GNG13: variants seen among roughly 807,000 people sequenced by gnomAD.
The protein encoded by GNG13 is G protein subunit gamma 13.
In GNG13, 12 loss-of-function variants were observed where a neutral mutation model predicts 8.2. The observed-to-expected ratio is 1.47, with a 90% CI of 0.94 to 2.38. The LOEUF is 2.38. Among genes scored for constraint, GNG13 ranks in the 30% most tolerant of loss-of-function variants. The pLI is 0.00. For synonymous variants in GNG13, 45 were observed against 33.0 expected, an observed-to-expected ratio of 1.37 and a Z score of -1.25; for missense variants, 100 against 85.2, an observed-to-expected ratio of 1.17 and a Z score of -0.68.
chr16:798,570 C>T lies in GNG13; in HGVS notation c.*149G>A, dbSNP rs540660944. 297 of 657,326 alleles carry T rather than the reference C, an allele frequency of 4.5e-4. 2 individuals are homozygous for T. Among genetic ancestry groups the T allele is most frequent in the South Asian group, 4.5e-4 (31 of 68,594 alleles). 40.7% of individuals were successfully genotyped at this position (657,326 alleles called of 1,614,324 possible). ...GCTCACAGGTTGGTGTGAGTGGGGCCGGGCATGGGCTCACAGGATGGTGGG... is the reference window on the plus strand; with the variant it reads ...GCTCACAGGTTGGTGTGAGTGGGGCTGGGCATGGGCTCACAGGATGGTGGG... On this transcript the variant is annotated 3_prime_UTR_variant, in exon 3 of 3. Transcript: ENST00000248150.
chr16:799,416 A>G (rs1398896968), intron 1 of GNG13, among the ~76,000 whole-genome samples: 1 of 152,228 alleles, frequency 6.6e-6, no homozygotes, highest in Non-Finnish European at 1.5e-5. Context: ...GGTGCTCAGC[A>G]CGGCAGGCCC....
At chr16:799,695 G>GTCCC (rs2042430625) in intron 1 of GNG13, among the ~76,000 whole-genome samples, 1 of 152,018 alleles carries the variant, frequency 6.6e-6, no homozygotes, top group African/African-American at 2.4e-5. Flanking sequence ...TGGCCCCTGG[G>GTCCC]TCCCCAGTGT....
Position 798,641 on chromosome 16 carries a change from G to GGGCTGA in GNG13, c.*77_*78insTCAGCC. ...TCACAGGATGGAGTGAGTGGGGCTG[G>GGGCTGA]GCACAGTCTTACAAGATGGTGGGAG... On this transcript the variant is annotated 3_prime_UTR_variant, in exon 3 of 3. Transcript: ENST00000248150. 1.1e-6 allele frequency: 1 copy of GGGCTGA among 899,756 alleles called. No individual in the cohort carries two copies. The highest frequency in any genetic ancestry group is 1.9e-6 in the Non-Finnish European group (1 of 534,904). The allele number at this position is 899,756 out of a possible 1,614,324, so 55.7% of individuals were successfully genotyped here.
chr16:798,135 A>G lies in GNG13; in HGVS notation c.*584T>C. 1.0e-6 allele frequency: 1 copy of G among 977,586 alleles called. No individual in the cohort carries two copies. The highest frequency in any genetic ancestry group is 1.5e-6 in the Non-Finnish European group (1 of 666,620). The allele number at this position is 977,586 out of a possible 1,614,324, so 60.6% of individuals were successfully genotyped here. A position where few individuals can be genotyped will look rare whatever the true frequency, so the allele number is the denominator to read the frequency against. ...GGAGTGGGGCCGGGCGTGGGCTCAT[A>G]GGATGGTGTGAGTGGGGCCAGGAGT... On this transcript the variant is annotated 3_prime_UTR_variant, in exon 3 of 3. Coordinates refer to ENST00000248150, the MANE Select transcript of GNG13 (RefSeq NM_016541.3).
At chr16:800,575 A>C (rs1159391833) in intron 1 of GNG13, 91 bp downstream of exon 1, 1 of 152,074 alleles carries the variant, frequency 6.6e-6, no homozygotes, top group Non-Finnish European at 1.5e-5. Flanking sequence ...CCCGGGAGTT[A>C]GGGTGAGCCC....
In GNG13 at chr16:799,112, C is replaced by G; in HGVS notation, c.-34-1G>C. ...GGCTTCTGAAGCAGCCAGCCTGGGGCTGGAGGGCACAGGAGGAAGCCACAG... is the reference window on the plus strand; with the variant it reads ...GGCTTCTGAAGCAGCCAGCCTGGGGGTGGAGGGCACAGGAGGAAGCCACAG... On this transcript the variant is annotated splice_acceptor_variant, in intron 1 of 2. Coordinates refer to ENST00000248150, the MANE Select transcript of GNG13 (RefSeq NM_016541.3). LOFTEE classifies it low-confidence loss of function (5UTR_SPLICE). 7.7e-7 allele frequency: 1 copy of G among 1,300,686 alleles called. No individual in the cohort carries two copies. The highest frequency in any genetic ancestry group is 1.1e-6 in the Non-Finnish European group (1 of 898,704). The allele number at this position is 1,300,686 out of a possible 1,614,324, so 80.6% of individuals were successfully genotyped here. A position where few individuals can be genotyped will look rare whatever the true frequency, so the allele number is the denominator to read the frequency against.
chr16:798,817 TCAG>T lies in GNG13; in HGVS notation c.103_105del (p.Leu35del), dbSNP rs752515904. ...TTGGGGATCCCGTCCTCGATCCACT[TCAG>T]CAGCCTGCGGGTGGGCGGGTGGCAG... is the stretch of plus-strand genomic sequence containing the variant. On this transcript the variant is annotated inframe_deletion, in exon 3 of 3. Coordinates refer to ENST00000248150, the MANE Select transcript of GNG13 (RefSeq NM_016541.3). 1.9e-5 allele frequency: 30 copies of T among 1,609,074 alleles called. No individual in the cohort carries two copies. The highest frequency in any genetic ancestry group is 8.9e-5 in the East Asian group (4 of 44,830).
At position 798,110 on chromosome 16, in the gene GNG13, G is replaced by A; in HGVS notation, c.*609C>T. 1 of 1,247,478 alleles carries A rather than the reference G, an allele frequency of 8.0e-7. No individual in the cohort carries two copies. The highest frequency in any genetic ancestry group is 1.4e-5 in the South Asian group (1 of 70,008). The allele number at this position is 1,247,478 out of a possible 1,614,324, so 77.3% of individuals were successfully genotyped here. ...GTGGAGTGGGGTTCACAGGATGGTGGGAGTGGGGCCGGGCGTGGGCTCATA... is the reference window on the plus strand; with the variant it reads ...GTGGAGTGGGGTTCACAGGATGGTGAGAGTGGGGCCGGGCGTGGGCTCATA... On this transcript the variant is annotated 3_prime_UTR_variant, in exon 3 of 3. Transcript: ENST00000248150.
In GNG13 at chr16:798,979, C is replaced by T; in HGVS notation, c.98+1G>A. On this transcript the variant is annotated splice_donor_variant, in intron 2 of 2. Coordinates refer to ENST00000248150, the MANE Select transcript of GNG13 (RefSeq NM_016541.3). LOFTEE classifies it high-confidence loss of function. Reference sequence around the variant, plus strand: ...GCAAATCAGGCAGGTGGGGCACTCACTCGGGGATGGTCTTGGACGCCATCT... The same window carrying T: ...GCAAATCAGGCAGGTGGGGCACTCATTCGGGGATGGTCTTGGACGCCATCT... The T allele has an allele frequency of 6.3e-7, 1 of 1,578,430 alleles. No homozygotes were observed. Among genetic ancestry groups the T allele is most frequent in the East Asian group, 2.2e-5 (1 of 44,712 alleles).
chr16:798,187 G>A lies in GNG13; in HGVS notation c.*532C>T. 2.9e-6 allele frequency: 2 copies of A among 692,028 alleles called. No homozygotes were observed. Among genetic ancestry groups the A allele is most frequent in the Non-Finnish European group, 4.9e-6 (2 of 406,228 alleles). 42.9% of individuals were successfully genotyped at this position (692,028 alleles called of 1,614,324 possible). A position where few individuals can be genotyped will look rare whatever the true frequency, so the allele number is the denominator to read the frequency against. Reference sequence around the variant, plus strand: ...GGGCTCACAGGATGGTGGGAGTGGGGCCAGGCGTGGTCTCACAGGATAGAG... The same window carrying A: ...GGGCTCACAGGATGGTGGGAGTGGGACCAGGCGTGGTCTCACAGGATAGAG... On this transcript the variant is annotated 3_prime_UTR_variant, in exon 3 of 3. Coordinates refer to ENST00000248150, the MANE Select transcript of GNG13 (RefSeq NM_016541.3).
At chr16:800,372 G>A (rs1219266275) in intron 1 of GNG13, among the ~76,000 whole-genome samples, 1 of 152,246 alleles carries the variant, frequency 6.6e-6, no homozygotes, top group East Asian at 1.9e-4. Context: ...CCCTACCTTC[G>A]CGCAGCTGCC....
Position 798,146 on chromosome 16 carries a change from AGTGGGGCCAG to A in GNG13, c.*563_*572del. On this transcript the variant is annotated 3_prime_UTR_variant, in exon 3 of 3. Transcript: ENST00000248150. Reference sequence around the variant, plus strand: ...GGGCGTGGGCTCATAGGATGGTGTGAGTGGGGCCAGGAGTGGGGCTCACAGGATGGTGGGA... The same window carrying A: ...GGGCGTGGGCTCATAGGATGGTGTGAGAGTGGGGCTCACAGGATGGTGGGA... 1.2e-6 allele frequency: 1 copy of A among 868,934 alleles called. No homozygotes were observed. Among genetic ancestry groups the A allele is most frequent in the Non-Finnish European group, 1.8e-6 (1 of 570,370 alleles). The allele number at this position is 868,934 out of a possible 1,614,324, so 53.8% of individuals were successfully genotyped here. A position where few individuals can be genotyped will look rare whatever the true frequency, so the allele number is the denominator to read the frequency against.
At position 799,127 on chromosome 16, in the gene GNG13, G is replaced by A. The variant is rs1489169810; in HGVS notation, c.-34-16C>T. On this transcript the variant is annotated splice_polypyrimidine_tract_variant and intron_variant, in intron 1 of 2. Coordinates refer to ENST00000248150, the MANE Select transcript of GNG13 (RefSeq NM_016541.3). ...CAGCCTGGGGCTGGAGGGCACAGGA[G>A]GAAGCCACAGGGCCGAGGCCACCAG... 3.6e-6 allele frequency: 4 copies of A among 1,098,076 alleles called. No homozygotes were observed. The highest frequency in any genetic ancestry group is 5.6e-6 in the Non-Finnish European group (4 of 720,024). 68.0% of individuals were successfully genotyped at this position (1,098,076 alleles called of 1,614,324 possible). A position where few individuals can be genotyped will look rare whatever the true frequency, so the allele number is the denominator to read the frequency against.
chr16:800,457 C>T (rs1335264636), intron 1 of GNG13, among the ~76,000 whole-genome samples: 2 of 152,204 alleles, frequency 1.3e-5, no homozygotes, highest in African/African-American at 2.4e-5. Flanking sequence ...CTGCAGGCGG[C>T]GCACGGCGCT....
intron 1 of GNG13, among the ~76,000 whole-genome samples, chr16:799,404 A>T (rs77761135): frequency 0.012 from 1,879 of 152,314 alleles, 49 homozygotes; most frequent in African/African-American, 0.04. Context: ...GGCAGGAGAA[A>T]GGGTGCTCAG....
At position 798,383 on chromosome 16, in the gene GNG13, G is replaced by C. The variant is rs2042415469; in HGVS notation, c.*336C>G. On this transcript the variant is annotated 3_prime_UTR_variant, in exon 3 of 3. Transcript: ENST00000248150. ...GGCCGGGAGTGGGGCTCACAGGATG[G>C]TGGGAGTGGGGCTGGGAGTGGGGCT... is the stretch of plus-strand genomic sequence containing the variant. 4.1e-6 allele frequency: 2 copies of C among 486,984 alleles called. No homozygotes were observed. Among genetic ancestry groups the C allele is most frequent in the Non-Finnish European group, 7.6e-6 (2 of 263,948 alleles). The allele number at this position is 486,984 out of a possible 1,614,324, so 30.2% of individuals were successfully genotyped here. A position where few individuals can be genotyped will look rare whatever the true frequency, so the allele number is the denominator to read the frequency against.
rs750635654 is a variant in GNG13, at chr16:798,837, G to A, written c.99-13C>T. The A allele has an allele frequency of 1.2e-5, 19 of 1,581,120 alleles. No homozygotes were observed. The South Asian group carries it at 1.9e-4, about 16-fold the overall frequency. ...CCACTTCAGCAGCCTGCGGGTGGGCGGGTGGCAGGTGAGTGGTGGCACCTG... is the reference window on the plus strand; with the variant it reads ...CCACTTCAGCAGCCTGCGGGTGGGCAGGTGGCAGGTGAGTGGTGGCACCTG... On this transcript the variant is annotated splice_polypyrimidine_tract_variant and intron_variant, in intron 2 of 2. Coordinates refer to ENST00000248150, the MANE Select transcript of GNG13 (RefSeq NM_016541.3).
At chr16:800,330 G>A (rs1441916823) in intron 1 of GNG13, among the ~76,000 whole-genome samples, 2 of 152,180 alleles carry the variant, frequency 1.3e-5, no homozygotes, top group South Asian at 4.1e-4. Flanking sequence ...GGGTGTTGGC[G>A]CCCCGCCCAC....
In GNG13 at chr16:799,038, C is replaced by T. The variant is rs199669467; in HGVS notation, c.40G>A (p.Glu14Lys). The part of the protein sequence containing the change: ...WDVPQMKKEV[E>K]SLKYQLAFQR... ...AAGGCCAGCTGGTACTTGAGGCTCT[C>T]CACCTCTTTCTTCATCTGTGGCACG... Residue 14 changes from glutamate to lysine, a missense_variant, in exon 2 of 3, where the codon GAG (glutamate) becomes AAG (lysine). Physicochemically the swap from Glu to Lys is moderately conservative, Grantham distance 56. Transcript: ENST00000248150. 3.7e-6 allele frequency: 6 copies of T among 1,611,534 alleles called. No homozygotes were observed. Among genetic ancestry groups the T allele is most frequent in the African/African-American group, 2.7e-5 (2 of 74,986 alleles).
Sources: gnomAD v4.1 joint callset for allele counts (sites outside exome capture counted in the v4.1 genomes callset) on GRCh38, gnomAD v4.1.1 for gene constraint, MANE v1.5 for transcripts, NCBI Gene and HGNC (gene_info 2026-07-23, HGNC 2026-07-21) for gene names.